Variants in NDUFA10 observed in about 807,000 individuals in gnomAD.
NDUFA10 encodes NADH:ubiquinone oxidoreductase subunit A10.
A neutral mutation model predicts 47.8 loss-of-function variants in NDUFA10; 40 were observed. The observed-to-expected ratio is 0.84, with a 90% CI of 0.65 to 1.09. The LOEUF is 1.09. NDUFA10 is among the 50% of genes least tolerant of loss of function. The probability of loss-of-function intolerance (pLI) is 0.00; values close to 1 mark genes in which losing one functional copy is unlikely to be tolerated. For synonymous variants in NDUFA10, 183 were observed against 172.2 expected (o/e 1.06, Z -0.49); for missense variants, 413 against 451.1 (o/e 0.92, Z 0.76).
rs762553028 is a variant in NDUFA10 at position 240,018,584 on chromosome 2, C to T, written c.516G>A (p.Ala172=). The T allele has an allele frequency of 1.9e-6, 3 of 1,614,214 alleles. No individual in the cohort carries two copies. The highest frequency in any genetic ancestry group is 1.7e-6 in the Non-Finnish European group (2 of 1,180,048). The change falls in exon 4 of 10, where the codon GCG becomes GCA. Residue 172 remains alanine, a synonymous_variant. Coordinates refer to ENST00000252711, the MANE Select transcript of NDUFA10 (RefSeq NM_004544.4). Reference sequence around the variant, plus strand: ...TTCGGATGAATCCCTGGTTGTACATCGCCTCCAGGAACACAAAGTCACTGA... The same window carrying T: ...TTCGGATGAATCCCTGGTTGTACATTGCCTCCAGGAACACAAAGTCACTGA... ...SIFSDFVFLE[A]MYNQGFIRKQ...
At chr2:239,969,191 G>GA (rs1695211744) in intron 9 of NDUFA10, among the ~76,000 whole-genome samples, 1 of 152,174 alleles carries the variant, frequency 6.6e-6, no homozygotes, top group Admixed American at 6.5e-5. Context: ...CAAAGACGAT[G>GA]AATTAGGAAA....
In NDUFA10 at chr2:239,960,744, A is replaced by G. The variant is rs1435882837; in HGVS notation, c.*374T>C. 8.4e-7 allele frequency: 1 copy of G among 1,195,818 alleles called. No individual in the cohort carries two copies. 74.1% of individuals were successfully genotyped at this position (1,195,818 alleles called of 1,614,324 possible). Reference sequence around the variant, plus strand: ...ATAGACGTACGATGGGGAAATTCCCATGGAAACACTTTTATTTCTGGAAGT... The same window carrying G: ...ATAGACGTACGATGGGGAAATTCCCGTGGAAACACTTTTATTTCTGGAAGT... On this transcript the variant is annotated 3_prime_UTR_variant, in exon 10 of 10. Transcript: ENST00000252711.
In NDUFA10 at chr2:239,945,833, T is replaced by G. The variant is rs4502452; in HGVS notation, c.294+44241A>C. On this transcript the variant is annotated intron_variant, in intron 4 of 5. Coordinates refer to the NDUFA10 transcript ENST00000419408. The surrounding 1 kb of genome is among the most constrained non-coding windows in gnomAD (Gnocchi z 4.6). ...CCCCCCTGAAGGCCGTCCCCAGGCTTCAAGGGCCCACAGGGCTCCGGGACT... is the reference window on the plus strand; with the variant it reads ...CCCCCCTGAAGGCCGTCCCCAGGCTGCAAGGGCCCACAGGGCTCCGGGACT... Among the ~76,000 whole-genome samples, 86,477 of 151,988 alleles carry G rather than the reference T, an allele frequency of 0.57. 24,732 individuals carry two copies. The highest frequency in any genetic ancestry group is 0.67 in the East Asian group (3,454 of 5,128).
At chr2:239,975,505 A>G (rs1695483056) in intron 9 of NDUFA10, among the ~76,000 whole-genome samples, 1 of 152,234 alleles carries the variant, frequency 6.6e-6, no homozygotes, top group South Asian at 2.1e-4. Context: ...CCCTCCCAGA[A>G]GCTGCAGGAC....
At chr2:239,938,983 G>C (rs1302728430) in intron 4 of NDUFA10, among the ~76,000 whole-genome samples, 1 of 152,030 alleles carries the variant, frequency 6.6e-6, no homozygotes, top group Non-Finnish European at 1.5e-5. Context: ...ACGAGGCCCC[G>C]CAATGCTCAG....
chr2:239,997,779 T>C (rs1363464219), intron 8 of NDUFA10, among the ~76,000 whole-genome samples: 2 of 152,228 alleles, frequency 1.3e-5, no homozygotes, highest in East Asian at 3.8e-4. Flanking sequence ...AATACCAGGC[T>C]TTGAGAGCTA....
At position 239,920,722 on chromosome 2, in the gene NDUFA10, C is replaced by T. The variant is rs190472255; in HGVS notation, c.295-25408G>A. ...AAGGGAGGGGCTCCCAGGCCTTTTGCGTGACGGCGATGGAGGCGCTGTGGT... is the reference window on the plus strand; with the variant it reads ...AAGGGAGGGGCTCCCAGGCCTTTTGTGTGACGGCGATGGAGGCGCTGTGGT... On this transcript the variant is annotated intron_variant, in intron 4 of 5. Coordinates refer to the NDUFA10 transcript ENST00000419408. Among the ~76,000 whole-genome samples the T allele has an allele frequency of 9.2e-5, 14 of 152,270 alleles. No individual in the cohort carries two copies. The East Asian group carries it at 2.1e-3, about 23-fold the overall frequency.
rs1011073077 is a variant in NDUFA10 at position 239,957,743 on chromosome 2, G to C, written c.*3375C>G. 6.6e-6 allele frequency: 1 copy of C among 152,128 alleles called. No individual in the cohort carries two copies. The allele number at this position is 152,128 out of a possible 1,614,324, so 9.4% of individuals were successfully genotyped here. ...CTCTGAGAACAGCACCACTCTTTTG[G>C]GGACAAGTCCATCACTGGAGCTCCC... On this transcript the variant is annotated 3_prime_UTR_variant, in exon 10 of 10. Coordinates refer to ENST00000252711, the MANE Select transcript of NDUFA10 (RefSeq NM_004544.4).
At chr2:240,011,777 CA>C (rs1297361875) in intron 5 of NDUFA10, 81 bp from the exon 6 acceptor site, 1 of 1,215,498 alleles carries the variant, frequency 8.2e-7, no homozygotes, top group African/African-American at 1.5e-5. Flanking sequence ...AATGCGAAGA[CA>C]ATCACTGACC....
rs181242338 is a variant in NDUFA10, at chr2:239,926,004, C to T, written c.295-30690G>A. Among the ~76,000 whole-genome samples, 404 of 152,264 alleles carry T rather than the reference C, an allele frequency of 2.7e-3. 3 individuals carry two copies. Among genetic ancestry groups the T allele is most frequent in the Non-Finnish European group, 4.3e-3 (293 of 68,036 alleles). The stretch of plus-strand genomic sequence containing the variant: ...AAATAGAGACCACACCAAAGCCTGA[C>T]GAGGATGCTGAGAGATTGTCCTTCA... On this transcript the variant is annotated intron_variant, in intron 4 of 5. Coordinates refer to the NDUFA10 transcript ENST00000419408.
intron 9 of NDUFA10, among the ~76,000 whole-genome samples, chr2:239,979,032 T>C (rs550318701): frequency 1.6e-4 from 25 of 152,280 alleles, no homozygotes; most frequent in African/African-American, 5.8e-4. Context: ...TTTCAGAAAT[T>C]AGCTCAGACA....
chr2:239,892,973 C>T (rs961523640), intron 5 of NDUFA10, among the ~76,000 whole-genome samples: 4 of 152,206 alleles, frequency 2.6e-5, no homozygotes, highest in Non-Finnish European at 5.9e-5. Flanking sequence ...CCTAAAGGAA[C>T]GAGGGCAGAG....
At chr2:239,919,330 C>T (rs1053843897) in intron 4 of NDUFA10, among the ~76,000 whole-genome samples, 1 of 152,022 alleles carries the variant, frequency 6.6e-6, no homozygotes, top group Admixed American at 6.6e-5. Flanking sequence ...TGCTTGAAAT[C>T]ACCCCTCCCT....
intron 9 of NDUFA10, among the ~76,000 whole-genome samples, chr2:239,961,849 G>C (rs1248280828): frequency 6.6e-6 from 1 of 152,214 alleles, no homozygotes; most frequent in Non-Finnish European, 1.5e-5. Flanking sequence ...AGAGAGGCCA[G>C]TGGGGGGCTG....
chr2:239,931,576 G>A (rs545781344), intron 4 of NDUFA10, among the ~76,000 whole-genome samples: 1 of 152,352 alleles, frequency 6.6e-6, no homozygotes, highest in Admixed American at 6.5e-5. Context: ...GTCTCCACCT[G>A]CACTGTGCCC....
chr2:239,906,058 C>T lies in NDUFA10; in HGVS notation c.295-10744G>A, dbSNP rs969001442. Among the ~76,000 whole-genome samples, 2 of 152,120 alleles carry T rather than the reference C, an allele frequency of 1.3e-5. No homozygotes were observed. Among genetic ancestry groups the T allele is most frequent in the African/African-American group, 4.8e-5 (2 of 41,432 alleles). ...ATTCCTGGAGCCCTGAGGGGTGATA[C>T]CTCCAAGGTGCTCAGGGGACCTTGA... is the stretch of plus-strand genomic sequence containing the variant. On this transcript the variant is annotated intron_variant, in intron 4 of 5. Transcript: ENST00000419408. This position sits in a 1 kb window ranked among gnomAD's most constrained non-coding sequence, Gnocchi z 4.3.
intron 9 of NDUFA10, chr2:239,983,638 C>CCAGGCTG: frequency 6.3e-7 from 1 of 1,582,800 alleles, no homozygotes; most frequent in African/African-American, 1.3e-5. Context: ...GGCCACGGTG[C>CCAGGCTG]CAGGCTGCAC....
intron 4 of NDUFA10, among the ~76,000 whole-genome samples, chr2:239,929,944 C>A (rs2106372406): frequency 6.7e-6 from 1 of 148,704 alleles, no homozygotes; most frequent in Non-Finnish European, 1.5e-5. Context: ...ACTGCCCCTG[C>A]TCCTCCGCTG....
chr2:239,965,432 G>A (rs1695019684), intron 9 of NDUFA10, among the ~76,000 whole-genome samples: 1 of 152,164 alleles, frequency 6.6e-6, no homozygotes, highest in Non-Finnish European at 1.5e-5. Flanking sequence ...AAAACCCAGT[G>A]CTCATTCATC....
Sources: gnomAD v4.1 joint callset for allele counts (sites outside exome capture counted in the v4.1 genomes callset) on GRCh38, gnomAD v4.1.1 for gene constraint, Gnocchi (gnomAD v3.1) non-coding constraint, MANE v1.5 for transcripts, NCBI Gene and HGNC (gene_info 2026-07-23, HGNC 2026-07-21) for gene names.